Variants in CACNA1B observed in about 807,000 individuals in gnomAD.
CACNA1B encodes calcium voltage-gated channel subunit alpha1 B.
In CACNA1B, 70 loss-of-function variants were observed where a neutral mutation model predicts 247.2. That is an observed-to-expected ratio of 0.28 (90% confidence interval 0.23 to 0.35). The LOEUF is 0.35. Among genes scored for constraint, CACNA1B ranks in the 10% least tolerant of loss-of-function variants. CACNA1B has a pLI of 1.00. For synonymous variants in CACNA1B, 1,231 were observed against 1,294.4 expected (o/e 0.95, Z 1.05); for missense variants, 2,367 against 3,197.4 (o/e 0.74, Z 6.26).
chr9:138,020,727 C>T lies in CACNA1B; in HGVS notation c.2268-2284C>T, dbSNP rs1371575638. Among the ~76,000 whole-genome samples, 1 of 152,170 alleles carries T rather than the reference C, an allele frequency of 6.6e-6. No individual in the cohort carries two copies. Among genetic ancestry groups the T allele is most frequent in the Non-Finnish European group, 1.5e-5 (1 of 68,014 alleles). On this transcript the variant is annotated intron_variant, in intron 18 of 46. Coordinates refer to ENST00000371372, the MANE Select transcript of CACNA1B (RefSeq NM_000718.4). This position sits in a 1 kb window ranked among gnomAD's most constrained non-coding sequence, Gnocchi z 4.1. Reference sequence around the variant, plus strand: ...GCATGTTGCTCTGCCTGGGTGGTCACGGGGGAGCCTGCCAGCCTGACAGCG... The same window carrying T: ...GCATGTTGCTCTGCCTGGGTGGTCATGGGGGAGCCTGCCAGCCTGACAGCG...
At chr9:138,101,287 A>C in intron 37 of CACNA1B, 1 of 469,306 alleles carries the variant, frequency 2.1e-6, no homozygotes, top group Non-Finnish European at 4.4e-6. Flanking sequence ...GGGAATGACG[A>C]CGCCTCACCT....
intron 36 of CACNA1B, among the ~76,000 whole-genome samples, chr9:138,086,076 G>T (rs963631303): frequency 6.6e-6 from 1 of 151,142 alleles, no homozygotes; most frequent in South Asian, 2.1e-4. Context: ...AGGAAGAAAA[G>T]ATATACAAAA....
intron 24 of CACNA1B, among the ~76,000 whole-genome samples, chr9:138,049,543 C>T (rs531967838): frequency 6.6e-6 from 1 of 152,148 alleles, no homozygotes; most frequent in Non-Finnish European, 1.5e-5. Context: ...CTGGTGTGGC[C>T]TGTGGCCCTG....
chr9:138,109,372 A>G (rs905081443), intron 39 of CACNA1B, among the ~76,000 whole-genome samples: 1 of 152,250 alleles, frequency 6.6e-6, no homozygotes, highest in Admixed American at 6.5e-5. Context: ...AAAGAAATGT[A>G]TTTCTCACAG....
rs1960220510 is a variant in CACNA1B, at chr9:138,073,910, T to C, written c.4792-91T>C. On this transcript the variant is annotated intron_variant, in intron 33 of 46. Transcript: ENST00000371372. This position sits in a 1 kb window ranked among gnomAD's most constrained non-coding sequence, Gnocchi z 6.4. ...GATGGAGCTTGAGTAGGCTGAGGTC[T>C]GTGTGACCTCAAAGGCCCAGCCACC... The C allele has an allele frequency of 7.2e-6, 7 of 977,880 alleles. No individual in the cohort carries two copies. The highest frequency in any genetic ancestry group is 9.8e-6 in the Non-Finnish European group (6 of 614,044). The allele number at this position is 977,880 out of a possible 1,614,324, so 60.6% of individuals were successfully genotyped here.
intron 3 of CACNA1B, among the ~76,000 whole-genome samples, chr9:137,896,106 G>T (rs1957169167): frequency 6.6e-6 from 1 of 152,086 alleles, no homozygotes; most frequent in African/African-American, 2.4e-5. Context: ...GGGTGTGGTG[G>T]CAGGCGCCTG....
rs768384928 is a variant in CACNA1B, at chr9:138,118,712, G to A, written c.5974G>A (p.Gly1992Arg). 6.4e-7 allele frequency: 1 copy of A among 1,564,640 alleles called. No homozygotes were observed. The highest frequency in any genetic ancestry group is 2.4e-5 in the East Asian group (1 of 42,378). Residue 1992 changes from glycine (G) to arginine (R), a missense_variant, in exon 44 of 47, where the codon GGG (glycine) becomes AGG (arginine). Physicochemically the swap from Gly to Arg is moderately radical, Grantham distance 125 (BLOSUM62 -2). Transcript: ENST00000371372. ...RRGPDGEPQP[G>R]LESQGRAASM... ...GGGCCCTGATGGGGAGCCCCAGCCT[G>A]GGCTGGAGAGCCAGGGTCGAGCGGC...
intron 12 of CACNA1B, among the ~76,000 whole-genome samples, chr9:137,980,989 G>C (rs1005269999): frequency 1.3e-5 from 2 of 152,156 alleles, no homozygotes; most frequent in African/African-American, 4.8e-5. Context: ...TTGGTAGAAC[G>C]AGTTATAGTC....
intron 36 of CACNA1B, among the ~76,000 whole-genome samples, chr9:138,085,499 G>T (rs929612964): frequency 6.6e-6 from 1 of 151,154 alleles, no homozygotes; most frequent in Non-Finnish European, 1.5e-5. Flanking sequence ...CCCAAGTCTG[G>T]GGAGAGATGT....
chr9:138,120,025 C>A, intron 44 of CACNA1B, 140 bp from the exon 45 acceptor site: 2 of 714,572 alleles, frequency 2.8e-6, no homozygotes, highest in Non-Finnish European at 4.6e-6. Flanking sequence ...CCATTTCAGG[C>A]CTGGGTCCTT....
chr9:138,057,138 C>A lies in CACNA1B; in HGVS notation c.3969-594C>A, dbSNP rs1959537281. Among the ~76,000 whole-genome samples, 1 of 151,998 alleles carries A rather than the reference C, an allele frequency of 6.6e-6. No individual in the cohort carries two copies. The highest frequency in any genetic ancestry group is 1.5e-5 in the Non-Finnish European group (1 of 67,996). Reference sequence around the variant, plus strand: ...ATTTTTAGTAGAGACGGGGGTTCACCATGTTAGCCAGGATGGTCTCCATCT... The same window carrying A: ...ATTTTTAGTAGAGACGGGGGTTCACAATGTTAGCCAGGATGGTCTCCATCT... On this transcript the variant is annotated intron_variant, in intron 26 of 46. Coordinates refer to ENST00000371372, the MANE Select transcript of CACNA1B (RefSeq NM_000718.4). This position sits in a 1 kb window ranked among gnomAD's most constrained non-coding sequence, Gnocchi z 4.0.
Position 137,994,238 on chromosome 9 carries a change from A to T in CACNA1B, c.1974+7384A>T, listed in dbSNP as rs569226207. 2.6e-5 allele frequency among the ~76,000 whole-genome samples: 4 copies of T among 152,352 alleles called. No individual in the cohort carries two copies. In the East Asian group the frequency reaches 7.7e-4, roughly 29 times the overall value. On this transcript the variant is annotated intron_variant, in intron 15 of 46. Coordinates refer to ENST00000371372, the MANE Select transcript of CACNA1B (RefSeq NM_000718.4). ...CACCTGTGACAAACCCACAGCCAAC[A>T]TAATACTGAACCAGTAAAAGTTTGA...
In CACNA1B at chr9:138,058,443, C is replaced by A; in HGVS notation, c.4309-126C>A. ...GAGGCCTGCTTGGAGAAGGTCTGGGCTGCTTCAATTTGTCTTCTGTTGTCA... is the reference window on the plus strand; with the variant it reads ...GAGGCCTGCTTGGAGAAGGTCTGGGATGCTTCAATTTGTCTTCTGTTGTCA... On this transcript the variant is annotated intron_variant, in intron 28 of 46. Transcript: ENST00000371372. The surrounding 1 kb of genome is among the most constrained non-coding windows in gnomAD (Gnocchi z 4.7). 1 of 976,034 alleles carries A rather than the reference C, an allele frequency of 1.0e-6. No individual in the cohort carries two copies. The allele number at this position is 976,034 out of a possible 1,614,324, so 60.5% of individuals were successfully genotyped here.
At chr9:137,910,756 C>T (rs1346074840) in intron 3 of CACNA1B, among the ~76,000 whole-genome samples, 3 of 152,112 alleles carry the variant, frequency 2.0e-5, no homozygotes, top group Non-Finnish European at 4.4e-5. Context: ...GGAGCTCAGG[C>T]AGTAATGCTC....
Position 138,010,508 on chromosome 9 carries a change from A to G in CACNA1B, c.2160+431A>G, listed in dbSNP as rs1358596923. Among the ~76,000 whole-genome samples the G allele has an allele frequency of 2.6e-5, 4 of 152,096 alleles. No individual in the cohort carries two copies. Among genetic ancestry groups the G allele is most frequent in the Non-Finnish European group, 5.9e-5 (4 of 68,006 alleles). ...GCAATTGTACATGTCTCCCTCTGTGATATCCCTCCGGATGACACAGTCCCC... is the reference window on the plus strand; with the variant it reads ...GCAATTGTACATGTCTCCCTCTGTGGTATCCCTCCGGATGACACAGTCCCC... On this transcript the variant is annotated intron_variant, in intron 17 of 46. Transcript: ENST00000371372. The surrounding 1 kb of genome is among the most constrained non-coding windows in gnomAD (Gnocchi z 5.3).
At chr9:138,108,255 G>A (rs916543799) in intron 39 of CACNA1B, among the ~76,000 whole-genome samples, 1 of 144,354 alleles carries the variant, frequency 6.9e-6, no homozygotes, top group Non-Finnish European at 1.5e-5. Flanking sequence ...GGAGGAATGA[G>A]CTGTGATGGT....
At chr9:137,948,290 T>C (rs1957821956) in intron 6 of CACNA1B, among the ~76,000 whole-genome samples, 1 of 152,214 alleles carries the variant, frequency 6.6e-6, no homozygotes, top group Admixed American at 6.5e-5. Context: ...CGTATTTCTT[T>C]AAATACTGTC....
At chr9:138,094,230 G>A (rs1286630414) in intron 36 of CACNA1B, among the ~76,000 whole-genome samples, 2 of 152,042 alleles carry the variant, frequency 1.3e-5, no homozygotes, top group African/African-American at 2.4e-5. Context: ...CAAATTCATC[G>A]AGACAGTAAG....
chr9:138,034,400 C>T (rs1959019009), intron 20 of CACNA1B, among the ~76,000 whole-genome samples: 1 of 150,992 alleles, frequency 6.6e-6, no homozygotes, highest in Non-Finnish European at 1.5e-5. Flanking sequence ...GGGTGGAAGT[C>T]TAGGCTCCCC....
Sources: allele counts gnomAD v4.1 joint callset (sites outside exome capture counted in the v4.1 genomes callset), GRCh38; gene constraint gnomAD v4.1.1; non-coding constraint Gnocchi (gnomAD v3.1); transcripts MANE v1.5; gene names NCBI Gene and HGNC (gene_info 2026-07-23, HGNC 2026-07-21).